The following RFXAP variants were observed in gnomAD, a reference collection of about 807,000 sequenced individuals.
RFXAP encodes the protein regulatory factor X associated protein, also known as regulatory factor X-associated protein.
RFXAP carries 21 observed loss-of-function variants against 25.7 expected under a neutral mutation model. That is an observed-to-expected ratio of 0.82 (90% CI 0.58 to 1.18). The LOEUF is 1.18. Among genes scored for constraint, RFXAP ranks in the 50% most tolerant of loss-of-function variants. The probability of loss-of-function intolerance (pLI) is 0.00; values close to 1 mark genes in which losing one functional copy is unlikely to be tolerated. For missense variants in RFXAP, 333 were observed against 363.0 expected (o/e 0.92, Z 0.67); for synonymous variants, 161 against 152.2 (o/e 1.06, Z -0.43).
intron 1 of RFXAP, among the ~76,000 whole-genome samples, 190 bp downstream of exon 1, chr13:36,820,147 T>C (rs997835986): frequency 1.3e-5 from 2 of 152,178 alleles, no homozygotes; most frequent in Non-Finnish European, 2.9e-5. Flanking sequence ...GCAATAACAG[T>C]TCTGTTGAAC....
Position 36,819,531 on chromosome 13 carries a change from T to C in RFXAP, c.174T>C (p.Ala58=). Residue 58 remains alanine, a synonymous_variant, in exon 1 of 3, where the codon GCT becomes GCC. Coordinates refer to ENST00000255476, the MANE Select transcript of RFXAP (RefSeq NM_000538.4). ...VMQPCAGQDE[A]AAPGGSVGAG... is the part of the protein sequence containing the mutation. ...AACCCTGTGCTGGGCAGGACGAGGC[T>C]GCGGCCCCCGGGGGCAGCGTTGGGG... 1 of 1,527,248 alleles carries C rather than the reference T, an allele frequency of 6.5e-7. No homozygotes were observed. 94.6% of individuals were successfully genotyped at this position (1,527,248 alleles called of 1,614,324 possible).
chr13:36,820,319 CTCTT>C (rs1241966162), intron 1 of RFXAP, among the ~76,000 whole-genome samples: 7 of 152,168 alleles, frequency 4.6e-5, no homozygotes, highest in Non-Finnish European at 7.4e-5. Context: ...AGAAAGTCAT[CTCTT>C]TCTGTTTTCA....
intron 1 of RFXAP, among the ~76,000 whole-genome samples, chr13:36,822,412 A>T (rs932719944): frequency 6.6e-6 from 1 of 151,526 alleles, no homozygotes; most frequent in East Asian, 1.9e-4. Flanking sequence ...AGAAGTAGTT[A>T]ACCTATGGCT....
intron 1 of RFXAP, among the ~76,000 whole-genome samples, chr13:36,824,374 T>C (rs2138216546): frequency 6.6e-6 from 1 of 152,258 alleles, no homozygotes; most frequent in East Asian, 1.9e-4. Flanking sequence ...CTAAAATGTT[T>C]AGGGGTGAAA....
intron 1 of RFXAP, among the ~76,000 whole-genome samples, chr13:36,821,622 A>G (rs933937614): frequency 6.6e-6 from 1 of 152,192 alleles, no homozygotes; most frequent in Non-Finnish European, 1.5e-5. Flanking sequence ...TGGTTGTGCT[A>G]CTTCACTCCA....
chr13:36,825,095 T>C (rs1449575944), intron 1 of RFXAP, among the ~76,000 whole-genome samples: 1 of 152,108 alleles, frequency 6.6e-6, no homozygotes, highest in Non-Finnish European at 1.5e-5. Context: ...TGAAAATAGC[T>C]CACAAGTAAC....
intron 1 of RFXAP, among the ~76,000 whole-genome samples, chr13:36,821,531 C>T (rs572836902): frequency 7.2e-5 from 11 of 152,080 alleles, no homozygotes; most frequent in African/African-American, 2.7e-4. Context: ...GGTATGTTGG[C>T]ACATGCCTGT....
intron 1 of RFXAP, among the ~76,000 whole-genome samples, chr13:36,822,886 A>G (rs1234062392): frequency 6.6e-6 from 1 of 152,092 alleles, no homozygotes; most frequent in Non-Finnish European, 1.5e-5. Context: ...CAGCCAGGAT[A>G]TAATAAGAGC....
At chr13:36,821,622 A>T (rs933937614) in intron 1 of RFXAP, among the ~76,000 whole-genome samples, 2 of 152,192 alleles carry the variant, frequency 1.3e-5, no homozygotes, top group Admixed American at 6.5e-5. Flanking sequence ...TGGTTGTGCT[A>T]CTTCACTCCA....
rs1361344796 is a variant in RFXAP at position 36,819,436 on chromosome 13, G to C, written c.79G>C (p.Ala27Pro). 1.4e-6 allele frequency: 2 copies of C among 1,455,442 alleles called. No individual in the cohort carries two copies. Among genetic ancestry groups the C allele is most frequent in the South Asian group, 1.4e-5 (1 of 69,120 alleles). The allele number at this position is 1,455,442 out of a possible 1,614,324, so 90.2% of individuals were successfully genotyped here. A position where few individuals can be genotyped will look rare whatever the true frequency, so the allele number is the denominator to read the frequency against. Reference protein sequence around the residue: ...GVPHPAALAPAAAPTLAPASV... With the variant: ...GVPHPAALAPPAAPTLAPASV... ...GCCCCACCCCGCGGCCCTAGCCCCG[G>C]CTGCGGCTCCCACCTTGGCGCCAGC... The change falls in exon 1 of 3, where the codon GCT becomes CCT. Residue 27 changes from alanine to proline, a missense_variant. By Grantham distance (27) the Ala-to-Pro change is conservative. Coordinates refer to ENST00000255476, the MANE Select transcript of RFXAP (RefSeq NM_000538.4).
rs1390093649 is a variant in RFXAP, at chr13:36,819,682, G to A, written c.325G>A (p.Glu109Lys). 20 of 1,549,584 alleles carry A rather than the reference G, an allele frequency of 1.3e-5. No individual in the cohort carries two copies. The highest frequency in any genetic ancestry group is 1.7e-5 in the Non-Finnish European group (19 of 1,145,932). ...PGGGESAASL[E>K]DLEDEETHSG... ...GGGAGGCGAGAGCGCGGCTAGTTTG[G>A]AGGATCTAGAGGACGAGGAGACTCA... is the stretch of plus-strand genomic sequence containing the variant. The change falls in exon 1 of 3, where the codon GAG becomes AAG. Residue 109 changes from glutamate (E) to lysine (K), a missense_variant. Coordinates refer to ENST00000255476, the MANE Select transcript of RFXAP (RefSeq NM_000538.4).
In RFXAP at chr13:36,819,549, C is replaced by T. The variant is rs758076793; in HGVS notation, c.192C>T (p.Ser64=). 1 of 1,524,660 alleles carries T rather than the reference C, an allele frequency of 6.6e-7. No individual in the cohort carries two copies. The highest frequency in any genetic ancestry group is 1.7e-4 in the Middle Eastern group (1 of 5,806). The allele number at this position is 1,524,660 out of a possible 1,614,324, so 94.4% of individuals were successfully genotyped here. ...GQDEAAAPGG[S]VGAGKPVRYL... is the part of the protein sequence containing the mutation. The stretch of plus-strand genomic sequence containing the variant: ...ACGAGGCTGCGGCCCCCGGGGGCAG[C>T]GTTGGGGCGGGCAAGCCCGTTAGGT... Residue 64 remains serine, a synonymous_variant, in exon 1 of 3, where the codon AGC becomes AGT. Coordinates refer to ENST00000255476, the MANE Select transcript of RFXAP (RefSeq NM_000538.4).
chr13:36,819,927 G>A lies in RFXAP; in HGVS notation c.570G>A (p.Ser190=). The A allele has an allele frequency of 1.2e-6, 2 of 1,613,862 alleles. No homozygotes were observed. The highest frequency in any genetic ancestry group is 1.7e-6 in the Non-Finnish European group (2 of 1,179,954). Residue 190 remains serine (S), a synonymous_variant, in exon 1 of 3, where the codon TCG becomes TCA. Coordinates refer to ENST00000255476, the MANE Select transcript of RFXAP (RefSeq NM_000538.4). ...DQALNCGGTA[S]TGSAGNVKLE... ...CCCTGAACTGCGGTGGGACTGCCTCGACTGGCAGCGCGGGAAACGTCAAAC... is the reference window on the plus strand; with the variant it reads ...CCCTGAACTGCGGTGGGACTGCCTCAACTGGCAGCGCGGGAAACGTCAAAC...
intron 1 of RFXAP, among the ~76,000 whole-genome samples, chr13:36,823,590 G>A (rs1484587846): frequency 6.6e-6 from 1 of 152,160 alleles, no homozygotes; most frequent in Non-Finnish European, 1.5e-5. Context: ...TGATGATGGT[G>A]TCTTCTGCTA....
Position 36,819,541 on chromosome 13 carries a change from G to C in RFXAP, c.184G>C (p.Gly62Arg). Residue 62 changes from glycine to arginine, a missense_variant, in exon 1 of 3, where the codon GGG (glycine) becomes CGG (arginine). By Grantham distance (125) the Gly-to-Arg change is moderately radical. Transcript: ENST00000255476. ...TGGGCAGGACGAGGCTGCGGCCCCCGGGGGCAGCGTTGGGGCGGGCAAGCC... is the reference window on the plus strand; with the variant it reads ...TGGGCAGGACGAGGCTGCGGCCCCCCGGGGCAGCGTTGGGGCGGGCAAGCC... ...CAGQDEAAAP[G>R]GSVGAGKPVR... 2.0e-6 allele frequency: 3 copies of C among 1,522,286 alleles called. No homozygotes were observed. The highest frequency in any genetic ancestry group is 2.6e-6 in the Non-Finnish European group (3 of 1,132,952). The allele number at this position is 1,522,286 out of a possible 1,614,324, so 94.3% of individuals were successfully genotyped here.
chr13:36,819,382 G>A lies in RFXAP; in HGVS notation c.25G>A (p.Gly9Ser). Residue 9 changes from glycine (G) to serine (S), a missense_variant, in exon 1 of 3, where the codon GGC becomes AGC. Transcript: ENST00000255476. MEAQGVAE[G>S]AGPGAASGVP... ...CATGGAGGCGCAGGGTGTAGCGGAG[G>A]GCGCGGGGCCGGGCGCCGCCAGCGG... 6.2e-6 allele frequency: 8 copies of A among 1,293,512 alleles called. No homozygotes were observed. The South Asian group carries it at 1.8e-4, about 30-fold the overall frequency. The allele number at this position is 1,293,512 out of a possible 1,614,324, so 80.1% of individuals were successfully genotyped here. A position where few individuals can be genotyped will look rare whatever the true frequency, so the allele number is the denominator to read the frequency against.
At chr13:36,826,833 A>AT (rs1186740411) in intron 2 of RFXAP, among the ~76,000 whole-genome samples, 1 of 152,056 alleles carries the variant, frequency 6.6e-6, no homozygotes, top group Non-Finnish European at 1.5e-5. Context: ...GGGGCCAAAG[A>AT]TTTTTTTCTC....
In RFXAP at chr13:36,827,876, T is replaced by C. The variant is rs540829510; in HGVS notation, c.*123T>C. On this transcript the variant is annotated 3_prime_UTR_variant, in exon 3 of 3. Transcript: ENST00000255476. ...TAGAACATAAACATTTTCCTGTAAA[T>C]GTATGTGTGCATTTGGGGATAAGTA... 1.2e-5 allele frequency: 9 copies of C among 764,952 alleles called. No individual in the cohort carries two copies. The African/African-American group carries it at 1.4e-4, about 12-fold the overall frequency. 47.4% of individuals were successfully genotyped at this position (764,952 alleles called of 1,614,324 possible).
rs2057975176 is a variant in RFXAP, at chr13:36,825,474, C to T, written c.647C>T (p.Ser216Phe). The T allele has an allele frequency of 6.2e-7, 1 of 1,612,938 alleles. No homozygotes were observed. The change falls in exon 2 of 3, where the codon TCT becomes TTT. Residue 216 changes from serine to phenylalanine, a missense_variant. By Grantham distance (155) the Ser-to-Phe change is radical. Transcript: ENST00000255476. ...TCCATTGTTAAACAAAGAACAGGAT[C>T]TTTTGGGGATCGTCCTGCAAGACCT... ...ILSIVKQRTGSFGDRPARPTL... is the reference protein window; with the variant it reads ...ILSIVKQRTGFFGDRPARPTL...
Sources: gnomAD v4.1 joint callset for allele counts (sites outside exome capture counted in the v4.1 genomes callset) on GRCh38, gnomAD v4.1.1 for gene constraint, MANE v1.5 for transcripts, NCBI Gene and HGNC (gene_info 2026-07-23, HGNC 2026-07-21) for gene names.